Variants in CNPY1 observed in about 807,000 individuals in gnomAD.
CNPY1 encodes the protein protein canopy homolog 1.
Under a neutral mutation model 14.4 loss-of-function variants are expected in CNPY1, and 14 were observed. The observed-to-expected ratio is 0.97, with a 90% CI of 0.64 to 1.52. CNPY1 has a LOEUF of 1.52. CNPY1 is among the 40% of genes most tolerant of loss of function. CNPY1 has a pLI of 0.00. For missense variants in CNPY1, 129 were observed against 131.5 expected (o/e 0.98, Z 0.09); for synonymous variants, 43 against 46.5 (o/e 0.92, Z 0.31).
chr7:155,503,043 C>T lies in CNPY1; in HGVS notation c.*25G>A. The T allele has an allele frequency of 1.9e-6, 3 of 1,607,406 alleles. No individual in the cohort carries two copies. The highest frequency in any genetic ancestry group is 2.5e-6 in the Non-Finnish European group (3 of 1,176,810). On this transcript the variant is annotated 3_prime_UTR_variant, in exon 5 of 5. Transcript: ENST00000636446. Reference sequence around the variant, plus strand: ...GACCTTTGGGTGTGACTTTACTCCTCTCTACGACCAGCAGAACGGCACTCC... The same window carrying T: ...GACCTTTGGGTGTGACTTTACTCCTTTCTACGACCAGCAGAACGGCACTCC...
chr7:155,544,459 T>C (rs1797135868), intron 2 of CNPY1, among the ~76,000 whole-genome samples: 1 of 152,216 alleles, frequency 6.6e-6, no homozygotes, highest in Non-Finnish European at 1.5e-5. Context: ...ATGATGTGTC[T>C]GATAGCCCAG....
intron 2 of CNPY1, among the ~76,000 whole-genome samples, chr7:155,530,120 C>T (rs1488468816): frequency 6.6e-6 from 1 of 152,054 alleles, no homozygotes; most frequent in Non-Finnish European, 1.5e-5. Flanking sequence ...ATTTGAGAGG[C>T]ACTGTTCAAT....
In CNPY1 at chr7:155,502,772, T is replaced by C; in HGVS notation, c.*296A>G. 2.5e-6 allele frequency: 1 copy of C among 400,286 alleles called. No individual in the cohort carries two copies. The highest frequency in any genetic ancestry group is 3.9e-5 in the Admixed American group (1 of 25,322). The allele number at this position is 400,286 out of a possible 1,614,324, so 24.8% of individuals were successfully genotyped here. ...AAATCCCTATTTTGTTTATGAAATG[T>C]CTTCGCTTTTTTCCTCAATACAGAA... is the stretch of plus-strand genomic sequence containing the variant. On this transcript the variant is annotated 3_prime_UTR_variant, in exon 5 of 5. Transcript: ENST00000636446.
chr7:155,531,577 C>G (rs763244189), intron 2 of CNPY1, among the ~76,000 whole-genome samples: 8 of 152,170 alleles, frequency 5.3e-5, no homozygotes, highest in Non-Finnish European at 1.0e-4. Flanking sequence ...CTTAGGATAT[C>G]GGCACTTCCC....
intron 2 of CNPY1, among the ~76,000 whole-genome samples, chr7:155,540,746 G>A (rs1359671938): frequency 1.3e-5 from 2 of 152,208 alleles, no homozygotes; most frequent in Non-Finnish European, 2.9e-5. Context: ...TGTATCCAGT[G>A]ACTGGAGCTC....
At chr7:155,546,394 C>T in intron 1 of CNPY1, 35 bp downstream of exon 1, 1 of 397,812 alleles carries the variant, frequency 2.5e-6, no homozygotes, top group Non-Finnish European at 4.4e-6. Flanking sequence ...CACTATGTTG[C>T]CCAGGTAGGT....
At chr7:155,515,135 A>G (rs1291789902) in intron 2 of CNPY1, among the ~76,000 whole-genome samples, 2 of 152,114 alleles carry the variant, frequency 1.3e-5, no homozygotes, top group African/African-American at 4.8e-5. Context: ...ACCAGAAAAC[A>G]TTGTATGGCT....
intron 2 of CNPY1, among the ~76,000 whole-genome samples, chr7:155,516,117 T>C (rs2116705046): frequency 6.6e-6 from 1 of 152,252 alleles, no homozygotes; most frequent in South Asian, 2.1e-4. Flanking sequence ...GGACTCATTC[T>C]GTGTCCAGGA....
At chr7:155,517,807 C>G (rs543057804) in intron 2 of CNPY1, among the ~76,000 whole-genome samples, 1 of 152,336 alleles carries the variant, frequency 6.6e-6, no homozygotes, top group African/African-American at 2.4e-5. Flanking sequence ...TCTGTAGAAC[C>G]AGGGCGATGA....
At chr7:155,519,906 G>A (rs139968187) in intron 2 of CNPY1, among the ~76,000 whole-genome samples, 71 of 152,312 alleles carry the variant, frequency 4.7e-4, no homozygotes, top group African/African-American at 1.6e-3. Context: ...GTAACAGAGT[G>A]CTCAATAAGA....
At chr7:155,506,864 T>C in intron 4 of CNPY1, 156 bp downstream of exon 4, 1 of 648,988 alleles carries the variant, frequency 1.5e-6, no homozygotes, top group Admixed American at 2.8e-5. Flanking sequence ...TTCTCTCACA[T>C]GCTGTCGTTT....
intron 3 of CNPY1, among the ~76,000 whole-genome samples, chr7:155,507,721 A>C (rs1224123298): frequency 6.6e-6 from 1 of 152,138 alleles, no homozygotes; most frequent in African/African-American, 2.4e-5. Flanking sequence ...TTAAAAAAAA[A>C]TACCTGACCT....
At position 155,536,233 on chromosome 7, in the gene CNPY1, G is replaced by C. The variant is rs78441411; in HGVS notation, c.99+9598C>G. Among the ~76,000 whole-genome samples, 264 of 152,244 alleles carry C rather than the reference G, an allele frequency of 1.7e-3. 5 individuals are homozygous for C. In the East Asian group the frequency reaches 0.033, roughly 19 times the overall value. On this transcript the variant is annotated intron_variant, in intron 2 of 4. Transcript: ENST00000636446. The surrounding 1 kb of genome is among the most constrained non-coding windows in gnomAD (Gnocchi z 4.1). ...ACCTGGAGTGAAGTCCCCAGGGAAGGGGAGGCTGTGGATGACTGATCACCC... is the reference window on the plus strand; with the variant it reads ...ACCTGGAGTGAAGTCCCCAGGGAAGCGGAGGCTGTGGATGACTGATCACCC...
At chr7:155,539,565 C>T (rs1286772046) in intron 2 of CNPY1, among the ~76,000 whole-genome samples, 2 of 152,148 alleles carry the variant, frequency 1.3e-5, no homozygotes, top group African/African-American at 4.8e-5. Flanking sequence ...TGTTATAGTG[C>T]CCTGTTGTTT....
At chr7:155,529,867 C>G (rs954284310) in intron 2 of CNPY1, among the ~76,000 whole-genome samples, 11 of 151,936 alleles carry the variant, frequency 7.2e-5, no homozygotes, top group African/African-American at 2.2e-4. Context: ...ACTGCAACCT[C>G]TACCTCCCTG....
intron 2 of CNPY1, among the ~76,000 whole-genome samples, chr7:155,541,245 G>C (rs575316687): frequency 5.9e-5 from 9 of 152,332 alleles, no homozygotes; most frequent in Admixed American, 2.0e-4. Flanking sequence ...CGGAGCACGA[G>C]CTCCCAGCCT....
At chr7:155,503,540 C>T (rs994144977) in intron 4 of CNPY1, among the ~76,000 whole-genome samples, 3 of 151,908 alleles carry the variant, frequency 2.0e-5, no homozygotes, top group East Asian at 1.9e-4. Context: ...CAAACTCTAT[C>T]GAAAAAGGCT....
At chr7:155,524,195 A>G (rs561476310) in intron 2 of CNPY1, among the ~76,000 whole-genome samples, 3 of 152,342 alleles carry the variant, frequency 2.0e-5, no homozygotes, top group Admixed American at 6.5e-5. Context: ...ATGGAGTCCA[A>G]TGGCCCCCGC....
At chr7:155,507,224 C>A in intron 3 of CNPY1, 108 bp from the exon 4 acceptor site, 2 of 701,916 alleles carry the variant, frequency 2.8e-6, no homozygotes, top group Non-Finnish European at 5.1e-6. Context: ...AATCATGTAA[C>A]CAAGGTGGTC....
Sources: allele counts gnomAD v4.1 joint callset (sites outside exome capture counted in the v4.1 genomes callset), GRCh38; gene constraint gnomAD v4.1.1; non-coding constraint Gnocchi (gnomAD v3.1); transcripts MANE v1.5; gene names NCBI Gene and HGNC (gene_info 2026-07-23, HGNC 2026-07-21).